The following NMNAT2 variants were observed in gnomAD, a reference collection of about 807,000 sequenced individuals.
NMNAT2 encodes the protein nicotinamide nucleotide adenylyltransferase 2.
Under a neutral mutation model 41.6 loss-of-function variants are expected in NMNAT2, and 11 were observed. The ratio of observed to expected loss-of-function variants is 0.26; its 90% CI spans 0.17 to 0.44. The LOEUF (loss-of-function observed/expected upper bound fraction) is 0.44. Among genes scored for constraint, NMNAT2 ranks in the 20% least tolerant of loss-of-function variants. NMNAT2 has a pLI of 1.00. For missense variants in NMNAT2, 288 were observed against 407.7 expected (o/e 0.71, Z 2.53); for synonymous variants, 148 against 151.2 (o/e 0.98, Z 0.16).
chr1:183,392,766 C>T (rs1444431043), intron 1 of NMNAT2, among the ~76,000 whole-genome samples: 1 of 152,210 alleles, frequency 6.6e-6, no homozygotes, highest in East Asian at 1.9e-4. Flanking sequence ...AAGCATTCTT[C>T]ATATGGCTAA....
intron 1 of NMNAT2, among the ~76,000 whole-genome samples, chr1:183,371,768 CTGTT>C (rs1007455167): frequency 3.9e-5 from 6 of 151,960 alleles, no homozygotes; most frequent in Non-Finnish European, 5.9e-5. Flanking sequence ...TTTTTTGTTT[CTGTT>C]TGTTTGTTTT....
intron 1 of NMNAT2, among the ~76,000 whole-genome samples, chr1:183,298,761 G>A (rs1413710975): frequency 6.6e-6 from 1 of 152,080 alleles, no homozygotes; most frequent in Non-Finnish European, 1.5e-5. Flanking sequence ...ATAGTCTAGT[G>A]GTTAGGAACA....
chr1:183,300,417 G>GAA (rs59973277), intron 1 of NMNAT2, among the ~76,000 whole-genome samples: 206 of 139,562 alleles, frequency 1.5e-3, no homozygotes, highest in African/African-American at 3.5e-3. Context: ...CTAAAAAAAA[G>GAA]AAAAAAAAAA....
intron 1 of NMNAT2, among the ~76,000 whole-genome samples, chr1:183,356,146 G>A (rs189574178): frequency 1.4e-4 from 21 of 152,310 alleles, no homozygotes; most frequent in East Asian, 7.7e-4. Flanking sequence ...TCAGGACAAC[G>A]CCAGGAAGTG....
intron 1 of NMNAT2, among the ~76,000 whole-genome samples, chr1:183,314,957 G>A (rs1662210556): frequency 6.6e-6 from 1 of 152,136 alleles, no homozygotes; most frequent in African/African-American, 2.4e-5. Context: ...AAGGTAAATT[G>A]CTCTCATACA....
chr1:183,269,568 G>A (rs576511507), intron 8 of NMNAT2, among the ~76,000 whole-genome samples: 1 of 152,256 alleles, frequency 6.6e-6, no homozygotes, highest in Non-Finnish European at 1.5e-5. Context: ...CTCTGGATAA[G>A]GATAGTCAGG....
At chr1:183,350,944 C>G (rs1019384386) in intron 1 of NMNAT2, among the ~76,000 whole-genome samples, 12 of 152,154 alleles carry the variant, frequency 7.9e-5, no homozygotes, top group African/African-American at 2.9e-4. Context: ...AAAATTTTCC[C>G]AGTTCCAGAA....
rs1661504577 is a variant in NMNAT2 at position 183,290,200 on chromosome 1, G to T, written c.249C>A (p.Asp83Glu). 6.3e-7 allele frequency: 1 copy of T among 1,581,846 alleles called. No homozygotes were observed. Among genetic ancestry groups the T allele is most frequent in the Non-Finnish European group, 8.6e-7 (1 of 1,162,350 alleles). ...AVQNSDWIRV[D>E]PWECYQDTWQ... Reference sequence around the variant, plus strand: ...AGGTGTCCTGGTAGCACTCCCAAGGGTCCACCCTAACATCATCGGAAAGAA... The same window carrying T: ...AGGTGTCCTGGTAGCACTCCCAAGGTTCCACCCTAACATCATCGGAAAGAA... The change falls in exon 4 of 11, where the codon GAC (aspartate) becomes GAA (glutamate). Residue 83 changes from aspartate to glutamate, a missense_variant. This residue lies in a region of NMNAT2 where 100 missense variants were observed against 168.5 expected (regional missense o/e 0.59). Coordinates refer to ENST00000287713, the MANE Select transcript of NMNAT2 (RefSeq NM_015039.4).
chr1:183,406,557 G>A (rs1257797404), intron 1 of NMNAT2, among the ~76,000 whole-genome samples: 6 of 152,192 alleles, frequency 3.9e-5, no homozygotes, highest in Non-Finnish European at 7.3e-5. Context: ...AGATTGGACA[G>A]AAACTTGTAA....
chr1:183,301,476 T>C (rs1661851677), intron 1 of NMNAT2, among the ~76,000 whole-genome samples: 1 of 152,252 alleles, frequency 6.6e-6, no homozygotes, highest in Non-Finnish European at 1.5e-5. Flanking sequence ...ATGAGGTCTA[T>C]TTTTGTCCAT....
chr1:183,344,474 T>G (rs924179699), intron 1 of NMNAT2, among the ~76,000 whole-genome samples: 4 of 152,216 alleles, frequency 2.6e-5, no homozygotes, highest in Admixed American at 6.5e-5. Context: ...CACATCTGTC[T>G]CCTCACAACA....
intron 10 of NMNAT2, among the ~76,000 whole-genome samples, chr1:183,256,162 C>A (rs963882795): frequency 1.3e-5 from 2 of 151,988 alleles, no homozygotes; most frequent in Middle Eastern, 3.2e-3. Flanking sequence ...AATCCCAGCA[C>A]TTTGGGAGGC....
intron 1 of NMNAT2, among the ~76,000 whole-genome samples, chr1:183,382,936 G>A (rs1557895503): frequency 2.6e-5 from 4 of 152,136 alleles, no homozygotes; most frequent in East Asian, 1.9e-4. Flanking sequence ...CCCAAGTAGC[G>A]ACTCTGTGTG....
chr1:183,394,734 C>T (rs941448615), intron 1 of NMNAT2, among the ~76,000 whole-genome samples: 3 of 152,212 alleles, frequency 2.0e-5, no homozygotes, highest in African/African-American at 7.2e-5. Context: ...CCTTCCACTG[C>T]AGAACCCACC....
intron 1 of NMNAT2, among the ~76,000 whole-genome samples, chr1:183,314,305 T>A (rs1157947125): frequency 1.3e-5 from 2 of 152,180 alleles, no homozygotes; most frequent in East Asian, 3.9e-4. Flanking sequence ...TCTCAAATGC[T>A]CTTCCCTACC....
chr1:183,260,646 C>T (rs1394005158), intron 10 of NMNAT2, among the ~76,000 whole-genome samples: 2 of 151,936 alleles, frequency 1.3e-5, no homozygotes, highest in African/African-American at 2.4e-5. Context: ...GGTGAAATCC[C>T]CATCTCTACT....
chr1:183,275,210 T>A (rs777141849), intron 8 of NMNAT2, among the ~76,000 whole-genome samples: 18 of 152,214 alleles, frequency 1.2e-4, no homozygotes, highest in South Asian at 2.1e-4. Context: ...AGACTAAAAT[T>A]ACCCTGTGGG....
intron 1 of NMNAT2, among the ~76,000 whole-genome samples, chr1:183,318,778 C>T (rs968915240): frequency 1.1e-4 from 16 of 152,148 alleles, no homozygotes; most frequent in Non-Finnish European, 1.9e-4. Context: ...CCCTAAAATC[C>T]GATACAGGAG....
chr1:183,313,964 G>A (rs1170132753), intron 1 of NMNAT2, among the ~76,000 whole-genome samples: 7 of 152,130 alleles, frequency 4.6e-5, no homozygotes, highest in African/African-American at 1.2e-4. Flanking sequence ...ATAGGTGTGT[G>A]GCCACTGAGA....
Sources: gnomAD v4.1 joint callset for allele counts (sites outside exome capture counted in the v4.1 genomes callset) on GRCh38, gnomAD v4.1.1 for gene constraint, gnomAD v4.1.1 regional missense constraint, MANE v1.5 for transcripts, NCBI Gene and HGNC (gene_info 2026-07-23, HGNC 2026-07-21) for gene names.